The following DNAJC16 variants were observed in gnomAD, a reference collection of about 807,000 sequenced individuals.
DNAJC16 encodes the protein dnaJ homolog subfamily C member 16.
A neutral mutation model predicts 92.7 loss-of-function variants in DNAJC16; 76 were observed. That is an observed-to-expected ratio of 0.82 (90% CI 0.68 to 0.99). DNAJC16 has a LOEUF of 0.99. Among genes scored for constraint, DNAJC16 ranks in the 50% least tolerant of loss-of-function variants. DNAJC16 has a pLI of 0.00. For synonymous variants in DNAJC16, 328 were observed against 358.7 expected, an observed-to-expected ratio of 0.91 and a Z score of 0.97; for missense variants, 869 against 942.4, an observed-to-expected ratio of 0.92 and a Z score of 1.02.
rs1005235762 is a variant in DNAJC16 at position 15,527,170 on chromosome 1, GGCTTAGACCTGGA to G, written c.-19+217_-19+229del. On this transcript the variant is annotated intron_variant, in intron 1 of 14. Transcript: ENST00000375847. ...GACCTCCGGCAGGAGCGCGAGGCGG[GGCTTAGACCTGGA>G]GCTTGTCTCTGGGAGCTTCTTCCTG... Among the ~76,000 whole-genome samples the G allele has an allele frequency of 9.6e-4, 146 of 152,274 alleles. 1 individual carries two copies. The highest frequency in any genetic ancestry group is 3.5e-3 in the African/African-American group (144 of 41,556).
chr1:15,550,030 G>A (rs893228093), intron 7 of DNAJC16, among the ~76,000 whole-genome samples: 1 of 152,118 alleles, frequency 6.6e-6, no homozygotes, highest in African/African-American at 2.4e-5. Flanking sequence ...CACCTACTGG[G>A]GGTCTTGGAA....
At chr1:15,538,191 T>C (rs974390237) in intron 4 of DNAJC16, among the ~76,000 whole-genome samples, 2 of 151,532 alleles carry the variant, frequency 1.3e-5, no homozygotes, top group African/African-American at 4.9e-5. Context: ...GGTCAGGAGT[T>C]CGAGACCAGC....
rs1273431596 is a variant in DNAJC16, at chr1:15,570,323, A to G, written c.*2146A>G. ...GGTTTTTATTTTTAATTTCTGTACTAATGAAATTCCTGACTTTAATTTCTG... is the reference window on the plus strand; with the variant it reads ...GGTTTTTATTTTTAATTTCTGTACTGATGAAATTCCTGACTTTAATTTCTG... On this transcript the variant is annotated 3_prime_UTR_variant, in exon 15 of 15. Coordinates refer to ENST00000375847, the MANE Select transcript of DNAJC16 (RefSeq NM_015291.4). 6.6e-6 allele frequency: 1 copy of G among 152,172 alleles called. No individual in the cohort carries two copies. Among genetic ancestry groups the G allele is most frequent in the African/African-American group, 2.4e-5 (1 of 41,442 alleles). The allele number at this position is 152,172 out of a possible 1,614,324, so 9.4% of individuals were successfully genotyped here. A position where few individuals can be genotyped will look rare whatever the true frequency, so the allele number is the denominator to read the frequency against.
chr1:15,560,676 C>T (rs1290382880), intron 8 of DNAJC16, among the ~76,000 whole-genome samples: 2 of 151,678 alleles, frequency 1.3e-5, no homozygotes, highest in Non-Finnish European at 2.9e-5. Flanking sequence ...GTCTTAAGAG[C>T]GAAGAAAAAA....
intron 4 of DNAJC16, among the ~76,000 whole-genome samples, chr1:15,539,160 G>T (rs991209494): frequency 2.0e-5 from 3 of 152,048 alleles, no homozygotes; most frequent in Non-Finnish European, 2.9e-5. Flanking sequence ...AATTCCCGAG[G>T]GTGTGCAGAT....
In DNAJC16 at chr1:15,544,515, A is replaced by C; in HGVS notation, c.691A>C (p.Asn231His). 3 of 1,614,204 alleles carry C rather than the reference A, an allele frequency of 1.9e-6. No individual in the cohort carries two copies. The highest frequency in any genetic ancestry group is 2.5e-6 in the Non-Finnish European group (3 of 1,180,030). Reference protein sequence around the residue: ...IINGKISFFHNAVVRENLRQF... With the variant: ...IINGKISFFHHAVVRENLRQF... ...TAACGGGAAAATCTCCTTCTTCCACAATGCAGTTGTCCGTGAAAATCTGCG... is the reference window on the plus strand; with the variant it reads ...TAACGGGAAAATCTCCTTCTTCCACCATGCAGTTGTCCGTGAAAATCTGCG... The change falls in exon 5 of 15, where the codon AAT becomes CAT. Residue 231 changes from asparagine to histidine, a missense_variant. By Grantham distance (68) the Asn-to-His change is moderately conservative. Coordinates refer to ENST00000375847, the MANE Select transcript of DNAJC16 (RefSeq NM_015291.4).
intron 7 of DNAJC16, among the ~76,000 whole-genome samples, chr1:15,550,575 A>C (rs1362591410): frequency 6.6e-6 from 1 of 152,206 alleles, no homozygotes; most frequent in Non-Finnish European, 1.5e-5. Context: ...GTTGCAATGA[A>C]TATCATAACC....
intron 4 of DNAJC16, among the ~76,000 whole-genome samples, chr1:15,537,285 G>C (rs1007864733): frequency 6.6e-6 from 1 of 152,152 alleles, no homozygotes; most frequent in African/African-American, 2.4e-5. Context: ...AGCCTTGAAG[G>C]GGGTTGGAAG....
At chr1:15,552,444 G>A (rs1381815451) in intron 7 of DNAJC16, among the ~76,000 whole-genome samples, 4 of 151,826 alleles carry the variant, frequency 2.6e-5, no homozygotes, top group Admixed American at 1.3e-4. Flanking sequence ...AGCCAAGATC[G>A]CGCCACTGCA....
intron 2 of DNAJC16, among the ~76,000 whole-genome samples, chr1:15,533,084 AT>A (rs1710695768): frequency 6.6e-6 from 1 of 152,222 alleles, no homozygotes; most frequent in Admixed American, 6.5e-5. Flanking sequence ...TATGTAAAGA[AT>A]ACTGTCATAC....
At chr1:15,560,191 A>G (rs547788142) in intron 8 of DNAJC16, 1 of 152,252 alleles carries the variant, frequency 6.6e-6, no homozygotes, top group African/African-American at 2.4e-5. Context: ...GTCAGAGAAG[A>G]TTTCCCTAAG....
rs1638796815 is a variant in DNAJC16, at chr1:15,565,981, T to C, written c.1661T>C (p.Val554Ala). ...FSALFILFGT[V>A]IVQAFSDSND... Reference sequence around the variant, plus strand: ...GCCCTCTTCATCCTCTTCGGCACTGTCATCGTTCAGGCTTTCAGGTAAATG... The same window carrying C: ...GCCCTCTTCATCCTCTTCGGCACTGCCATCGTTCAGGCTTTCAGGTAAATG... The change falls in exon 12 of 15, where the codon GTC (valine) becomes GCC (alanine). Residue 554 changes from valine to alanine, a missense_variant. Transcript: ENST00000375847. 1 of 1,613,936 alleles carries C rather than the reference T, an allele frequency of 6.2e-7. No individual in the cohort carries two copies. The highest frequency in any genetic ancestry group is 1.3e-5 in the African/African-American group (1 of 74,868).
intron 4 of DNAJC16, 29 bp downstream of exon 4, chr1:15,536,843 T>C: frequency 6.4e-7 from 1 of 1,559,986 alleles, no homozygotes; most frequent in Non-Finnish European, 8.6e-7. Flanking sequence ...CTGAAAGATA[T>C]TTATATAGAT....
rs142392931 is a variant in DNAJC16, at chr1:15,532,703, G to GTT, written c.168-1533_168-1532insTT. On this transcript the variant is annotated intron_variant, in intron 2 of 14. Transcript: ENST00000375847. ...ATGGGTTGGTTTTGTTGGTATTTTT[G>GTT]TGTTTTTTTTTGTCATCCAGAAATG... Among the ~76,000 whole-genome samples the GTT allele has an allele frequency of 9.8e-4, 148 of 150,448 alleles. 2 individuals carry two copies. Among genetic ancestry groups the GTT allele is most frequent in the Admixed American group, 6.1e-3 (93 of 15,166 alleles).
rs1036513675 is a variant in DNAJC16 at position 15,571,512 on chromosome 1, G to C, written c.*3335G>C. On this transcript the variant is annotated 3_prime_UTR_variant, in exon 15 of 15. Coordinates refer to ENST00000375847, the MANE Select transcript of DNAJC16 (RefSeq NM_015291.4). ...TGAATCTGTCTGTTCAGTTTGTCAAGGAGGATAATTATGCTTGGGAGAGAT... is the reference window on the plus strand; with the variant it reads ...TGAATCTGTCTGTTCAGTTTGTCAACGAGGATAATTATGCTTGGGAGAGAT... The C allele has an allele frequency of 2.0e-5, 3 of 152,606 alleles. No homozygotes were observed. Among genetic ancestry groups the C allele is most frequent in the Non-Finnish European group, 4.4e-5 (3 of 68,036 alleles). 9.5% of individuals were successfully genotyped at this position (152,606 alleles called of 1,614,324 possible).
intron 8 of DNAJC16, 60 bp downstream of exon 8, chr1:15,559,716 T>C: frequency 6.3e-7 from 1 of 1,585,882 alleles, no homozygotes; most frequent in East Asian, 2.3e-5. Flanking sequence ...TGATTCATTT[T>C]ACTATAGGGT....
At chr1:15,548,514 G>T (rs1638366025) in intron 7 of DNAJC16, 86 bp downstream of exon 7, 1 of 1,361,326 alleles carries the variant, frequency 7.3e-7, no homozygotes, top group East Asian at 2.5e-5. Flanking sequence ...GAACAAAGTG[G>T]CTGAAGGAAA....
rs1257246043 is a variant in DNAJC16, at chr1:15,571,731, T to C, written c.*3554T>C. 2 of 152,352 alleles carry C rather than the reference T, an allele frequency of 1.3e-5. No homozygotes were observed. The highest frequency in any genetic ancestry group is 4.8e-5 in the African/African-American group (2 of 41,464). 9.4% of individuals were successfully genotyped at this position (152,352 alleles called of 1,614,324 possible). A position where few individuals can be genotyped will look rare whatever the true frequency, so the allele number is the denominator to read the frequency against. On this transcript the variant is annotated 3_prime_UTR_variant, in exon 15 of 15. Coordinates refer to ENST00000375847, the MANE Select transcript of DNAJC16 (RefSeq NM_015291.4). ...AGAAATAAACTATTTTAATGTCTGA[T>C]AATTATGGGGTAGCCCTTGCATTGC...
In DNAJC16 at chr1:15,562,087, G is replaced by A. The variant is rs190499761; in HGVS notation, c.1155-55G>A. ...TCTTCACCTTCACTTGCCATTATAG[G>A]TGCTGGCCCTGCCATCAGGGATTGG... On this transcript the variant is annotated intron_variant, in intron 8 of 14. Coordinates refer to ENST00000375847, the MANE Select transcript of DNAJC16 (RefSeq NM_015291.4). The A allele has an allele frequency of 4.3e-4, 670 of 1,565,352 alleles. 2 individuals carry two copies. The highest frequency in any genetic ancestry group is 2.0e-3 in the South Asian group (172 of 84,508).
Sources: allele counts gnomAD v4.1 joint callset (sites outside exome capture counted in the v4.1 genomes callset), GRCh38; gene constraint gnomAD v4.1.1; transcripts MANE v1.5; gene names NCBI Gene and HGNC (gene_info 2026-07-23, HGNC 2026-07-21).